Variants in RORA observed in about 807,000 individuals in gnomAD.
The protein encoded by RORA is RAR related orphan receptor A, also known as nuclear receptor ROR-alpha.
Under a neutral mutation model 69.5 loss-of-function variants are expected in RORA, and 7 were observed. That is an observed-to-expected ratio of 0.10 (90% CI 0.06 to 0.19). RORA has a LOEUF of 0.19. Ranked by LOEUF, RORA falls within the 10% of genes least tolerant of loss-of-function variation. The pLI is 1.00. For synonymous variants in RORA, 261 were observed against 240.8 expected (o/e 1.08, Z -0.78); for missense variants, 457 against 663.0 (o/e 0.69, Z 3.41).
At chr15:60,611,566 A>AAAAAAAAAAAAAAAC (rs2069090190) in intron 2 of RORA, among the ~76,000 whole-genome samples, 1 of 133,536 alleles carries the variant, frequency 7.5e-6, no homozygotes, top group Non-Finnish European at 1.6e-5. Flanking sequence ...TTGCAAAAAA[A>AAAAAAAAAAAAAAAC]AAAAAAAAAA....
At chr15:60,832,854 G>A (rs886176161) in intron 1 of RORA, among the ~76,000 whole-genome samples, 2 of 152,014 alleles carry the variant, frequency 1.3e-5, no homozygotes, top group East Asian at 1.9e-4. Context: ...TGTGTCTCCC[G>A]CCATCCAGCC....
At chr15:60,664,290 G>C (rs1355610731) in intron 2 of RORA, among the ~76,000 whole-genome samples, 1 of 152,158 alleles carries the variant, frequency 6.6e-6, no homozygotes. Context: ...GTGAGGATGT[G>C]TGTGTGATAG....
chr15:60,684,780 G>C (rs558466077), intron 1 of RORA, among the ~76,000 whole-genome samples: 67 of 152,284 alleles, frequency 4.4e-4, no homozygotes, highest in African/African-American at 1.6e-3. Context: ...CTCTACACCA[G>C]GCTTGCACAT....
chr15:60,921,928 A>T (rs1892059844), intron 1 of RORA, among the ~76,000 whole-genome samples: 1 of 152,182 alleles, frequency 6.6e-6, no homozygotes, highest in Non-Finnish European at 1.5e-5. Flanking sequence ...GACAATATTG[A>T]ATATACACAA....
intron 1 of RORA, among the ~76,000 whole-genome samples, chr15:61,083,151 G>C (rs1489925842): frequency 6.6e-6 from 1 of 152,200 alleles, no homozygotes; most frequent in Non-Finnish European, 1.5e-5. Flanking sequence ...TTCACTGCAG[G>C]ATTCTTTCTC....
chr15:61,046,970 G>C (rs1463031615), intron 1 of RORA, among the ~76,000 whole-genome samples: 1 of 152,226 alleles, frequency 6.6e-6, no homozygotes, highest in Non-Finnish European at 1.5e-5. Flanking sequence ...AGCATCTTTT[G>C]CTCGAAATGG....
At chr15:60,806,612 T>C (rs1426654106) in intron 1 of RORA, among the ~76,000 whole-genome samples, 1 of 152,172 alleles carries the variant, frequency 6.6e-6, no homozygotes, top group Non-Finnish European at 1.5e-5. Flanking sequence ...CTATACACTC[T>C]CTTTTGATTA....
intron 1 of RORA, among the ~76,000 whole-genome samples, chr15:60,881,778 C>T (rs781111259): frequency 2.6e-5 from 4 of 152,088 alleles, no homozygotes; most frequent in Non-Finnish European, 5.9e-5. Context: ...GGGCCATTCA[C>T]CAAAAAAGAG....
intron 2 of RORA, among the ~76,000 whole-genome samples, chr15:60,629,799 C>G (rs998262080): frequency 3.9e-5 from 6 of 152,182 alleles, no homozygotes; most frequent in Non-Finnish European, 8.8e-5. Flanking sequence ...CCAGCATTCA[C>G]AGGACAAAGA....
At chr15:61,215,630 C>A (rs1284106061) in intron 1 of RORA, among the ~76,000 whole-genome samples, 1 of 152,208 alleles carries the variant, frequency 6.6e-6, no homozygotes, top group African/African-American at 2.4e-5. Context: ...ATCTGCCTGA[C>A]ACAATATGTA....
intron 1 of RORA, among the ~76,000 whole-genome samples, chr15:60,940,912 TGA>T (rs1291992407): frequency 6.6e-6 from 1 of 152,122 alleles, no homozygotes; most frequent in Non-Finnish European, 1.5e-5. Flanking sequence ...GGCAGCAGAG[TGA>T]GACTCTGTCT....
rs995502174 is a variant in RORA, at chr15:61,213,038, C to T, written c.166+16015G>A. ...TATTGTCACCTGCTCCCTGCTAGACCCCCATTCCCCGCTGCCCATCAGATA... is the reference window on the plus strand; with the variant it reads ...TATTGTCACCTGCTCCCTGCTAGACTCCCATTCCCCGCTGCCCATCAGATA... On this transcript the variant is annotated intron_variant, in intron 1 of 10. Transcript: ENST00000335670. The surrounding 1 kb of genome is among the most constrained non-coding windows in gnomAD (Gnocchi z 4.1). 1.9e-4 allele frequency among the ~76,000 whole-genome samples: 29 copies of T among 152,112 alleles called. No individual in the cohort carries two copies. The highest frequency in any genetic ancestry group is 6.8e-4 in the African/African-American group (28 of 41,396).
chr15:60,711,840 C>T (rs962705017), intron 1 of RORA, among the ~76,000 whole-genome samples: 30 of 152,126 alleles, frequency 2.0e-4, no homozygotes, highest in Non-Finnish European at 7.3e-5. Context: ...TAGGAAAATC[C>T]AACATTTAAA....
At chr15:61,085,887 C>T (rs11071586) in intron 1 of RORA, among the ~76,000 whole-genome samples, 95,209 of 152,074 alleles carry the variant, frequency 0.63, 30,008 homozygotes, top group Admixed American at 0.69. Context: ...TGGGAGGCCA[C>T]TTGCAGTTAT....
chr15:61,048,367 C>G (rs1421187079), intron 1 of RORA, among the ~76,000 whole-genome samples: 1 of 152,174 alleles, frequency 6.6e-6, no homozygotes, highest in African/African-American at 2.4e-5. Flanking sequence ...TTCCAGTGAG[C>G]CAGGCCTTCT....
intron 1 of RORA, among the ~76,000 whole-genome samples, chr15:60,952,794 A>T (rs1893148069): frequency 7.9e-6 from 1 of 126,980 alleles, no homozygotes; most frequent in African/African-American, 3.0e-5. Context: ...ATAAAAGAGG[A>T]GACAAACAAA....
chr15:60,839,102 G>C (rs187549172), intron 1 of RORA, among the ~76,000 whole-genome samples: 1 of 152,106 alleles, frequency 6.6e-6, no homozygotes, highest in East Asian at 1.9e-4. Flanking sequence ...GTTTCACCGT[G>C]TTAGCCAGGA....
At chr15:61,198,225 G>A (rs1047251680) in intron 1 of RORA, among the ~76,000 whole-genome samples, 4 of 152,154 alleles carry the variant, frequency 2.6e-5, no homozygotes, top group African/African-American at 9.7e-5. Context: ...TAAATAAAGA[G>A]AGCAGCAGTC....
chr15:60,902,532 A>T (rs1167140377), intron 1 of RORA, among the ~76,000 whole-genome samples: 1 of 152,238 alleles, frequency 6.6e-6, no homozygotes, highest in African/African-American at 2.4e-5. Flanking sequence ...GAGAAGCAGC[A>T]CGGCTTGCCT....
Sources: allele counts gnomAD v4.1 joint callset (sites outside exome capture counted in the v4.1 genomes callset), GRCh38; gene constraint gnomAD v4.1.1; non-coding constraint Gnocchi (gnomAD v3.1); transcripts MANE v1.5; gene names NCBI Gene and HGNC (gene_info 2026-07-23, HGNC 2026-07-21).